The following CTNND2 variants were observed in gnomAD, a reference collection of about 807,000 sequenced individuals.
CTNND2 encodes catenin delta-2.
Under a neutral mutation model 144.4 loss-of-function variants are expected in CTNND2, and 22 were observed. The observed-to-expected ratio is 0.15, with a 90% CI of 0.11 to 0.22. The LOEUF (loss-of-function observed/expected upper bound fraction) is 0.22. CTNND2 is among the 10% of genes least tolerant of loss of function. CTNND2 has a pLI of 1.00. For synonymous variants in CTNND2, 751 were observed against 695.6 expected (o/e 1.08, Z -1.25); for missense variants, 1,353 against 1,618.8 (o/e 0.84, Z 2.82).
intron 1 of CTNND2, among the ~76,000 whole-genome samples, chr5:11,857,771 T>C (rs546039113): frequency 3.3e-5 from 5 of 152,348 alleles, no homozygotes; most frequent in Admixed American, 2.0e-4. Context: ...AGGGAAATGA[T>C]GCCTCTCTGC....
intron 1 of CTNND2, among the ~76,000 whole-genome samples, chr5:11,776,703 T>C (rs926640720): frequency 1.3e-5 from 2 of 152,178 alleles, no homozygotes; most frequent in African/African-American, 4.8e-5. Context: ...TTGTAGCTAT[T>C]ATCGATGCTT....
chr5:11,448,263 C>T (rs1219915446), intron 3 of CTNND2, among the ~76,000 whole-genome samples: 1 of 152,056 alleles, frequency 6.6e-6, no homozygotes, highest in Non-Finnish European at 1.5e-5. Context: ...GGTTGGAATA[C>T]TGAGGTTATG....
At chr5:11,498,787 T>C (rs893171693) in intron 3 of CTNND2, among the ~76,000 whole-genome samples, 2 of 152,232 alleles carry the variant, frequency 1.3e-5, no homozygotes, top group Non-Finnish European at 2.9e-5. Flanking sequence ...TTTTAAAGCA[T>C]ATCTTTTAAC....
intron 11 of CTNND2, among the ~76,000 whole-genome samples, chr5:11,178,510 A>T (rs562542359): frequency 6.6e-6 from 1 of 152,208 alleles, no homozygotes; most frequent in Non-Finnish European, 1.5e-5. Flanking sequence ...ATAGAGAGGC[A>T]GAGATGATAC....
intron 3 of CTNND2, among the ~76,000 whole-genome samples, chr5:11,558,337 A>AAC (rs137933433): frequency 0.11 from 16,237 of 141,818 alleles, 1,393 homozygotes; most frequent in African/African-American, 0.24. Flanking sequence ...GGCTGTGAGA[A>AAC]ACACGTGTGT....
intron 1 of CTNND2, among the ~76,000 whole-genome samples, chr5:11,803,136 A>G (rs1247190860): frequency 6.6e-6 from 1 of 152,156 alleles, no homozygotes; most frequent in Non-Finnish European, 1.5e-5. Context: ...CCTGGCTAAC[A>G]TGGTGAAACC....
At chr5:11,539,753 G>A (rs1476785997) in intron 3 of CTNND2, among the ~76,000 whole-genome samples, 1 of 152,174 alleles carries the variant, frequency 6.6e-6, no homozygotes, top group East Asian at 1.9e-4. Flanking sequence ...ACCATTGTGG[G>A]CCGGGTGTGA....
At chr5:11,173,949 GGGCAGGCAA>G (rs1176244804) in intron 11 of CTNND2, among the ~76,000 whole-genome samples, 3 of 152,166 alleles carry the variant, frequency 2.0e-5, no homozygotes, top group Non-Finnish European at 4.4e-5. Context: ...GAAAAGAAGT[GGGCAGGCAA>G]GGTAGGAGGC....
chr5:11,841,003 G>A (rs1021147044), intron 1 of CTNND2, among the ~76,000 whole-genome samples: 1 of 152,020 alleles, frequency 6.6e-6, no homozygotes, highest in South Asian at 2.1e-4. Context: ...TGAATGCCAG[G>A]AATACATTTT....
intron 7 of CTNND2, among the ~76,000 whole-genome samples, chr5:11,366,101 C>T (rs911411585): frequency 3.3e-5 from 5 of 152,150 alleles, no homozygotes; most frequent in African/African-American, 1.2e-4. Flanking sequence ...CGGGACAGCT[C>T]TCCTTCCATT....
chr5:11,828,278 C>T (rs1793705451), intron 1 of CTNND2, among the ~76,000 whole-genome samples: 1 of 152,032 alleles, frequency 6.6e-6, no homozygotes, highest in Non-Finnish European at 1.5e-5. Context: ...GCCTGTAATC[C>T]CAGCATTTTG....
In CTNND2 at chr5:11,063,869, C is replaced by T. The variant is rs188707303; in HGVS notation, c.2788+18827G>A. On this transcript the variant is annotated intron_variant, in intron 16 of 21. Coordinates refer to ENST00000304623, the MANE Select transcript of CTNND2 (RefSeq NM_001332.4). ...AGAGTTAACAAGGAAAAATAAATTG[C>T]ATACCCCTACTCTTAAACATTCTGT... 3.3e-5 allele frequency among the ~76,000 whole-genome samples: 5 copies of T among 152,222 alleles called. No homozygotes were observed. The East Asian group carries it at 7.7e-4, about 23-fold the overall frequency.
chr5:11,453,836 T>C (rs940338512), intron 3 of CTNND2, among the ~76,000 whole-genome samples: 1 of 152,188 alleles, frequency 6.6e-6, no homozygotes, highest in Non-Finnish European at 1.5e-5. Context: ...TCTATTAGTT[T>C]CTCCAGGATT....
In CTNND2 at chr5:11,769,297, G is replaced by A. The variant is rs550964777; in HGVS notation, c.38-37025C>T. 1.7e-4 allele frequency among the ~76,000 whole-genome samples: 26 copies of A among 152,170 alleles called. No individual in the cohort carries two copies. The East Asian group carries it at 2.3e-3, about 14-fold the overall frequency. ...CCAGAGGTCTCTCTGAAGGTGATGCGCACCAGGTCCCCAACAGTATTAACA... is the reference window on the plus strand; with the variant it reads ...CCAGAGGTCTCTCTGAAGGTGATGCACACCAGGTCCCCAACAGTATTAACA... On this transcript the variant is annotated intron_variant, in intron 1 of 21. Transcript: ENST00000304623.
At chr5:11,184,047 CTAAAGT>C (rs1476745953) in intron 11 of CTNND2, among the ~76,000 whole-genome samples, 3 of 152,178 alleles carry the variant, frequency 2.0e-5, no homozygotes, top group Non-Finnish European at 2.9e-5. Context: ...ACAAAAACCG[CTAAAGT>C]TAATGTCCAA....
At chr5:11,507,789 C>T (rs1771206830) in intron 3 of CTNND2, among the ~76,000 whole-genome samples, 3 of 152,100 alleles carry the variant, frequency 2.0e-5, no homozygotes, top group South Asian at 2.1e-4. Context: ...GATCACAGCA[C>T]GAGCAGCCAC....
chr5:11,068,644 G>A (rs1458587958), intron 16 of CTNND2, among the ~76,000 whole-genome samples: 2 of 152,300 alleles, frequency 1.3e-5, no homozygotes, highest in South Asian at 2.1e-4. Flanking sequence ...GGCCAGGCGC[G>A]GTGGCTCACG....
chr5:11,482,294 T>C (rs1437081112), intron 3 of CTNND2, among the ~76,000 whole-genome samples: 2 of 152,124 alleles, frequency 1.3e-5, no homozygotes, highest in African/African-American at 4.8e-5. Flanking sequence ...GGAATCTGGA[T>C]AGTGAGGTCT....
intron 2 of CTNND2, among the ~76,000 whole-genome samples, chr5:11,686,155 A>C (rs574118875): frequency 1.9e-4 from 29 of 152,168 alleles, no homozygotes; most frequent in African/African-American, 6.7e-4. Context: ...GCAGTGAACC[A>C]AGATCGTGCC....
Sources: gnomAD v4.1 joint callset for allele counts (sites outside exome capture counted in the v4.1 genomes callset) on GRCh38, gnomAD v4.1.1 for gene constraint, MANE v1.5 for transcripts, NCBI Gene and HGNC (gene_info 2026-07-23, HGNC 2026-07-21) for gene names.